The following ACBD6 variants were observed in gnomAD, a reference collection of about 807,000 sequenced individuals.
ACBD6 encodes acyl-CoA-binding domain-containing protein 6.
ACBD6 carries 28 observed loss-of-function variants against 37.2 expected under a neutral mutation model. The observed-to-expected ratio is 0.75, with a 90% CI of 0.56 to 1.03. ACBD6 has a LOEUF of 1.03. Among genes scored for constraint, ACBD6 ranks in the 50% least tolerant of loss-of-function variants. The probability of loss-of-function intolerance (pLI) is 0.00; values close to 1 mark genes in which losing one functional copy is unlikely to be tolerated. For missense variants in ACBD6, 340 were observed against 337.4 expected (o/e 1.01, Z -0.06); for synonymous variants, 113 against 126.8 (o/e 0.89, Z 0.73).
chr1:180,442,007 T>C (rs1464007588), intron 3 of ACBD6, among the ~76,000 whole-genome samples: 1 of 152,214 alleles, frequency 6.6e-6, no homozygotes, highest in African/African-American at 2.4e-5. Flanking sequence ...TAAGTAAAGT[T>C]TACCTTCATT....
chr1:180,314,601 T>A lies in ACBD6; in HGVS notation c.694+91A>T, dbSNP rs559675563. On this transcript the variant is annotated intron_variant, in intron 7 of 7. Transcript: ENST00000367595. The stretch of plus-strand genomic sequence containing the variant: ...ATCTCTGCTAGCTGCCAGGTACCTA[T>A]CTAAGCACTATATAGGAATGGACAA... 1.8e-5 allele frequency: 20 copies of A among 1,088,716 alleles called. No homozygotes were observed. The East Asian group carries it at 3.9e-4, about 21-fold the overall frequency. The allele number at this position is 1,088,716 out of a possible 1,614,324, so 67.4% of individuals were successfully genotyped here. A position where few individuals can be genotyped will look rare whatever the true frequency, so the allele number is the denominator to read the frequency against.
intron 4 of ACBD6, among the ~76,000 whole-genome samples, chr1:180,414,085 A>G (rs777321068): frequency 6.6e-5 from 10 of 152,224 alleles, no homozygotes; most frequent in Non-Finnish European, 1.5e-4. Context: ...CTATTCCAAA[A>G]TCTGAAGCAG....
At chr1:180,307,855 T>A (rs561735862) in intron 7 of ACBD6, among the ~76,000 whole-genome samples, 10 of 152,098 alleles carry the variant, frequency 6.6e-5, no homozygotes, top group Admixed American at 1.3e-4. Flanking sequence ...TTCTGGAGGG[T>A]GAGGCAGGAG....
intron 7 of ACBD6, 85 bp downstream of exon 7, chr1:180,314,607 C>T (rs924313396): frequency 4.5e-6 from 5 of 1,109,922 alleles, no homozygotes; most frequent in Non-Finnish European, 6.7e-6. Context: ...CCTATCTAAG[C>T]ACTATATAGG....
intron 3 of ACBD6, among the ~76,000 whole-genome samples, chr1:180,479,563 G>A (rs529058738): frequency 6.6e-6 from 1 of 151,982 alleles, no homozygotes; most frequent in Non-Finnish European, 1.5e-5. Context: ...TAAGAAAGAA[G>A]GAATAAATTC....
intron 4 of ACBD6, among the ~76,000 whole-genome samples, chr1:180,427,582 C>G (rs763701922): frequency 3.9e-5 from 6 of 152,170 alleles, no homozygotes; most frequent in Non-Finnish European, 5.9e-5. Flanking sequence ...AGAAACCATA[C>G]GGACTACATC....
chr1:180,403,094 C>A (rs957632968), intron 5 of ACBD6, among the ~76,000 whole-genome samples: 1 of 152,048 alleles, frequency 6.6e-6, no homozygotes, highest in South Asian at 2.1e-4. Context: ...CAGAGGAGTA[C>A]ATATGTATAA....
At chr1:180,370,529 G>C (rs1297465025) in intron 6 of ACBD6, among the ~76,000 whole-genome samples, 1 of 152,062 alleles carries the variant, frequency 6.6e-6, no homozygotes, top group Admixed American at 6.6e-5. Context: ...ACACAAAGTG[G>C]ACAATGAAGT....
At chr1:180,451,832 C>T (rs1649719846) in intron 3 of ACBD6, among the ~76,000 whole-genome samples, 1 of 151,996 alleles carries the variant, frequency 6.6e-6, no homozygotes, top group South Asian at 2.1e-4. Flanking sequence ...TGCTAAAAAC[C>T]ACTGAATTGT....
At chr1:180,321,936 C>G (rs1233543585) in intron 6 of ACBD6, among the ~76,000 whole-genome samples, 1 of 151,988 alleles carries the variant, frequency 6.6e-6, no homozygotes, top group African/African-American at 2.4e-5. Context: ...AAATGGGTTT[C>G]CTTGTCATGT....
At chr1:180,282,418 A>G (rs562387050) in intron 8 of ACBD6, among the ~76,000 whole-genome samples, 24 of 152,292 alleles carry the variant, frequency 1.6e-4, no homozygotes, top group Non-Finnish European at 2.6e-4. Flanking sequence ...AGCAAGAGAG[A>G]CCATTAAAAT....
intron 3 of ACBD6, among the ~76,000 whole-genome samples, chr1:180,490,964 A>T (rs1279650263): frequency 9.0e-5 from 12 of 132,756 alleles, no homozygotes; most frequent in African/African-American, 4.1e-4. Flanking sequence ...TCTCATATAA[A>T]AAAAAAAAAA....
At chr1:180,365,500 G>A (rs1436719248) in intron 6 of ACBD6, among the ~76,000 whole-genome samples, 1 of 152,028 alleles carries the variant, frequency 6.6e-6, no homozygotes, top group African/African-American at 2.4e-5. Context: ...ATCCTTCTCT[G>A]GAGTCTTCAA....
At chr1:180,429,220 T>C (rs1309959569) in intron 4 of ACBD6, among the ~76,000 whole-genome samples, 2 of 151,280 alleles carry the variant, frequency 1.3e-5, no homozygotes, top group East Asian at 2.0e-4. Context: ...TGAAACTCTG[T>C]CCCCATTAAA....
At chr1:180,446,018 G>C (rs1649457333) in intron 3 of ACBD6, among the ~76,000 whole-genome samples, 1 of 151,348 alleles carries the variant, frequency 6.6e-6, no homozygotes. Context: ...CTTTTTTTTG[G>C]GGGGGATGGG....
intron 6 of ACBD6, among the ~76,000 whole-genome samples, chr1:180,332,026 C>T (rs1426002807): frequency 6.6e-6 from 1 of 152,156 alleles, no homozygotes; most frequent in South Asian, 2.1e-4. Flanking sequence ...AAAGTTCTAA[C>T]TCCTTGTACC....
intron 6 of ACBD6, among the ~76,000 whole-genome samples, chr1:180,379,826 G>T (rs950754298): frequency 1.3e-4 from 20 of 152,252 alleles, no homozygotes; most frequent in African/African-American, 4.6e-4. Context: ...AAAACAAAAG[G>T]TTAGAAAAAC....
chr1:180,333,315 T>C (rs1225212839), intron 6 of ACBD6, among the ~76,000 whole-genome samples: 1 of 152,208 alleles, frequency 6.6e-6, no homozygotes, highest in Non-Finnish European at 1.5e-5. Context: ...AGAAAATAAT[T>C]GGATATGCAT....
intron 4 of ACBD6, among the ~76,000 whole-genome samples, chr1:180,424,354 TTCTTA>T (rs10607245): frequency 0.011 from 1,689 of 152,366 alleles, 39 homozygotes; most frequent in African/African-American, 0.036. Flanking sequence ...ACTGTCATTA[TTCTTA>T]TCTTAAGAAT....
Sources: gnomAD v4.1 joint callset for allele counts (sites outside exome capture counted in the v4.1 genomes callset) on GRCh38, gnomAD v4.1.1 for gene constraint, MANE v1.5 for transcripts, NCBI Gene and HGNC (gene_info 2026-07-23, HGNC 2026-07-21) for gene names.